TMEM161B: variants seen among roughly 807,000 people sequenced by gnomAD.
The protein encoded by TMEM161B is transmembrane protein 161B.
TMEM161B carries 34 observed loss-of-function variants against 61.8 expected under a neutral mutation model. The ratio of observed to expected loss-of-function variants is 0.55; its 90% CI spans 0.42 to 0.73. The LOEUF (loss-of-function observed/expected upper bound fraction) is 0.73, where lower values mean the gene tolerates loss of function less well. TMEM161B is among the 30% of genes least tolerant of loss of function. TMEM161B has a pLI of 0.00. For synonymous variants in TMEM161B, 167 were observed against 192.8 expected (o/e 0.87, Z 1.11); for missense variants, 456 against 558.5 (o/e 0.82, Z 1.85).
Position 88,196,126 on chromosome 5 carries a change from T to G in TMEM161B, c.*85A>C. 6.7e-7 allele frequency: 1 copy of G among 1,498,452 alleles called. No homozygotes were observed. Among genetic ancestry groups the G allele is most frequent in the Non-Finnish European group, 8.9e-7 (1 of 1,127,984 alleles). 92.8% of individuals were successfully genotyped at this position (1,498,452 alleles called of 1,614,324 possible). On this transcript the variant is annotated 3_prime_UTR_variant, in exon 12 of 12. Coordinates refer to ENST00000296595, the MANE Select transcript of TMEM161B (RefSeq NM_153354.5). Reference sequence around the variant, plus strand: ...TTTTTTTTTTCCCATTGTATTTGCTTTCTTCTGGTTTTCATCAGCCCTTTA... The same window carrying G: ...TTTTTTTTTTCCCATTGTATTTGCTGTCTTCTGGTTTTCATCAGCCCTTTA...
Position 88,207,192 on chromosome 5 carries a change from A to G in TMEM161B, c.447-12T>C, listed in dbSNP as rs1745666599. 3 of 1,597,562 alleles carry G rather than the reference A, an allele frequency of 1.9e-6. No individual in the cohort carries two copies. The highest frequency in any genetic ancestry group is 1.7e-6 in the Non-Finnish European group (2 of 1,174,866). ...AAAATAGAACTTTGCTGCAGAAGGA[A>G]AAGTTCAGGAAAAACCACAATAAAT... On this transcript the variant is annotated splice_polypyrimidine_tract_variant and intron_variant, in intron 5 of 11. Transcript: ENST00000296595.
At chr5:88,188,279 A>AT (rs35094128), downstream of TMEM161B, among the ~76,000 whole-genome samples, 20 of 143,506 alleles carry the variant, frequency 1.4e-4, no homozygotes, top group East Asian at 1.3e-3. Context: ...TAATTTTTGT[A>AT]TTTTTTTTTT....
Position 88,207,111 on chromosome 5 carries a change from G to T in TMEM161B, c.516C>A (p.Val172=). 6.2e-7 allele frequency: 1 copy of T among 1,613,088 alleles called. No homozygotes were observed. The highest frequency in any genetic ancestry group is 8.5e-7 in the Non-Finnish European group (1 of 1,179,418). The stretch of plus-strand genomic sequence containing the variant: ...TGACAAAGAAAAAAAATCCAAAGGT[G>T]ACACAAACAGATCTTTCACCACCAT... ...VEDGGERSVC[V]TFGFFFFVKA... The change falls in exon 6 of 12, where the codon GTC becomes GTA. Residue 172 remains valine (V), a synonymous_variant. Transcript: ENST00000296595.
intron 1 of TMEM161B, among the ~76,000 whole-genome samples, chr5:88,263,217 T>G (rs1022432801): frequency 1.3e-5 from 2 of 152,158 alleles, no homozygotes; most frequent in Admixed American, 6.5e-5. Flanking sequence ...AAGCTTTCCC[T>G]ACATGCCCTA....
chr5:88,200,932 T>C (rs1224932104), intron 9 of TMEM161B: 1 of 152,100 alleles, frequency 6.6e-6, no homozygotes, highest in Non-Finnish European at 1.5e-5. Flanking sequence ...TACAAAGACC[T>C]TTCCACAAAC....
At chr5:88,262,726 T>C (rs115156022) in intron 1 of TMEM161B, among the ~76,000 whole-genome samples, 1 of 152,144 alleles carries the variant, frequency 6.6e-6, no homozygotes, top group Non-Finnish European at 1.5e-5. Context: ...CAAAGTACAC[T>C]ATGGACTTTG....
chr5:88,264,939 G>T (rs1407306721), intron 1 of TMEM161B, among the ~76,000 whole-genome samples: 2 of 151,922 alleles, frequency 1.3e-5, no homozygotes, highest in Non-Finnish European at 2.9e-5. Flanking sequence ...GTCAGGGGGT[G>T]GGGGGCAAGG....
At chr5:88,231,095 G>A (rs1750912403) in intron 2 of TMEM161B, among the ~76,000 whole-genome samples, 1 of 152,170 alleles carries the variant, frequency 6.6e-6, no homozygotes, top group South Asian at 2.1e-4. Flanking sequence ...TGTGCCCAGA[G>A]GGTGAAATCC....
chr5:88,214,287 G>A (rs540678553), intron 5 of TMEM161B, among the ~76,000 whole-genome samples: 3 of 152,142 alleles, frequency 2.0e-5, no homozygotes, highest in African/African-American at 7.2e-5. Context: ...TAAAATACAA[G>A]CACTGTGGAA....
chr5:88,219,010 T>C (rs1748432281), intron 5 of TMEM161B, among the ~76,000 whole-genome samples: 1 of 152,110 alleles, frequency 6.6e-6, no homozygotes, highest in Non-Finnish European at 1.5e-5. Context: ...TCTAAGAAGA[T>C]GACAATCAGT....
chr5:88,220,846 A>C (rs1018802060), intron 4 of TMEM161B, 127 bp from the exon 5 acceptor site: 92 of 1,251,966 alleles, frequency 7.3e-5, no homozygotes, highest in Admixed American at 1.1e-4. Context: ...TTCATTTGCA[A>C]TGTAAGATTT....
At chr5:88,193,052 C>T (rs1257137078), downstream of TMEM161B, among the ~76,000 whole-genome samples, 1 of 152,090 alleles carries the variant, frequency 6.6e-6, no homozygotes, top group Non-Finnish European at 1.5e-5. Context: ...TGAGCCCATT[C>T]TGCTTGTATG....
chr5:88,264,936 G>A (rs1165379967), intron 1 of TMEM161B, among the ~76,000 whole-genome samples: 2 of 152,010 alleles, frequency 1.3e-5, no homozygotes, highest in East Asian at 3.9e-4. Flanking sequence ...CCTGTCAGGG[G>A]GTGGGGGGCA....
chr5:88,244,161 G>C (rs567516276), intron 1 of TMEM161B, among the ~76,000 whole-genome samples: 1 of 151,932 alleles, frequency 6.6e-6, no homozygotes, highest in Non-Finnish European at 1.5e-5. Context: ...GCCAATTTTT[G>C]TTATTGCTGC....
At chr5:88,231,739 G>A (rs748927796) in intron 2 of TMEM161B, among the ~76,000 whole-genome samples, 27 of 152,080 alleles carry the variant, frequency 1.8e-4, no homozygotes, top group Non-Finnish European at 3.4e-4. Flanking sequence ...CTCGTTATTC[G>A]CGGTAGTTAG....
At chr5:88,239,176 C>T (rs1019799705) in intron 2 of TMEM161B, among the ~76,000 whole-genome samples, 1 of 151,902 alleles carries the variant, frequency 6.6e-6, no homozygotes, top group Admixed American at 6.6e-5. Context: ...ATCTCTCAGG[C>T]TTTAGTTTTC....
At chr5:88,268,454 G>A (rs967772206) in intron 1 of TMEM161B, among the ~76,000 whole-genome samples, 4 of 152,146 alleles carry the variant, frequency 2.6e-5, no homozygotes, top group African/African-American at 9.7e-5. Context: ...CACAGTAAAT[G>A]GGCCATGAAC....
Position 88,205,953 on chromosome 5 carries a change from T to A in TMEM161B, c.661A>T (p.Ser221Cys), listed in dbSNP as rs770011901. The stretch of plus-strand genomic sequence containing the variant: ...TTGAAAGTAAGTTTTGAAACAGGAC[T>A]CCTAAAAATAAAATTTTTTAAAAAG... ...FLEKQGLESQ[S>C]PVSKLTFKFF... The change falls in exon 8 of 12, where the codon AGT (serine) becomes TGT (cysteine). Residue 221 changes from serine (S) to cysteine (C), a missense_variant and splice_region_variant. Ser to Cys is a moderately radical substitution (Grantham distance 112). Coordinates refer to ENST00000296595, the MANE Select transcript of TMEM161B (RefSeq NM_153354.5). 1 of 1,579,550 alleles carries A rather than the reference T, an allele frequency of 6.3e-7. No individual in the cohort carries two copies. Among genetic ancestry groups the A allele is most frequent in the East Asian group, 2.2e-5 (1 of 44,516 alleles).
At chr5:88,243,383 CTCAAACTCCA>C (rs1753058345) in intron 1 of TMEM161B, among the ~76,000 whole-genome samples, 1 of 151,732 alleles carries the variant, frequency 6.6e-6, no homozygotes, top group South Asian at 2.1e-4. Flanking sequence ...GGATAAAGGC[CTCAAACTCCA>C]TCCATGTTGC....
Sources: allele counts gnomAD v4.1 joint callset (sites outside exome capture counted in the v4.1 genomes callset), GRCh38; gene constraint gnomAD v4.1.1; transcripts MANE v1.5; gene names NCBI Gene and HGNC (gene_info 2026-07-23, HGNC 2026-07-21).